Variants in ZNF723 observed in about 807,000 individuals in gnomAD.
ZNF723 encodes zinc finger protein 723, pseudogene.
A neutral mutation model predicts 9.4 loss-of-function variants in ZNF723; 5 were observed. The observed-to-expected ratio is 0.53, with a 90% CI of 0.28 to 1.12. The LOEUF (loss-of-function observed/expected upper bound fraction) is 1.12. Among genes scored for constraint, ZNF723 ranks in the 50% most tolerant of loss-of-function variants. The pLI, the probability that ZNF723 is intolerant of heterozygous loss-of-function variation, is 0.10. For synonymous variants in ZNF723, 158 were observed against 168.8 expected, an observed-to-expected ratio of 0.94 and a Z score of 0.49; for missense variants, 450 against 501.5, an observed-to-expected ratio of 0.90 and a Z score of 0.98.
At chr19:22,854,154 T>TAC (rs71163412) in intron 3 of ZNF723, among the ~76,000 whole-genome samples, 2,018 of 149,776 alleles carry the variant, frequency 0.013, 32 homozygotes, top group African/African-American at 0.042. Context: ...AAATGTGAGA[T>TAC]ACACACACAC....
chr19:22,832,122 G>T (rs1967105039), upstream of ZNF723, among the ~76,000 whole-genome samples: 1 of 152,206 alleles, frequency 6.6e-6, no homozygotes, highest in Non-Finnish European at 1.5e-5. Context: ...CCACAGCTTA[G>T]GCTGTCACTC....
At position 22,857,106 on chromosome 19, in the gene ZNF723, T is replaced by A; in HGVS notation, c.227-12T>A. 1.2e-6 allele frequency: 1 copy of A among 863,462 alleles called. No homozygotes were observed. The highest frequency in any genetic ancestry group is 1.8e-6 in the Non-Finnish European group (1 of 563,444). 53.5% of individuals were successfully genotyped at this position (863,462 alleles called of 1,614,324 possible). On this transcript the variant is annotated splice_polypyrimidine_tract_variant and intron_variant, in intron 3 of 3. Coordinates refer to ENST00000600766, the MANE Select transcript of ZNF723 (RefSeq NM_001349726.2). ...GTAAGATGAAGTAATTTGTTATTTCTATTTTTTTCAGTTGTGTGTTCTCAT... is the reference window on the plus strand; with the variant it reads ...GTAAGATGAAGTAATTTGTTATTTCAATTTTTTTCAGTTGTGTGTTCTCAT...
At position 22,857,530 on chromosome 19, in the gene ZNF723, C is replaced by A; in HGVS notation, c.639C>A (p.Pro213=). The A allele has an allele frequency of 1.6e-6, 2 of 1,277,296 alleles. No homozygotes were observed. Among genetic ancestry groups the A allele is most frequent in the Non-Finnish European group, 2.3e-6 (2 of 874,672 alleles). 79.1% of individuals were successfully genotyped at this position (1,277,296 alleles called of 1,614,324 possible). ...CEECGKAFSV[P]SKLNNHKRIH... is the part of the protein sequence containing the mutation. ...AATGTGGCAAAGCCTTTAGTGTGCC[C>A]TCAAAGCTTAATAATCATAAGAGAA... Residue 213 remains proline, a synonymous_variant, in exon 4 of 4, where the codon CCC becomes CCA. Transcript: ENST00000600766.
chr19:22,834,116 A>G (rs1967135426), intron 1 of ZNF723, among the ~76,000 whole-genome samples: 1 of 151,356 alleles, frequency 6.6e-6, no homozygotes, highest in African/African-American at 2.4e-5. Context: ...GGGTTTCACC[A>G]TGTTGGCCAG....
Position 22,858,513 on chromosome 19 carries a change from A to G in ZNF723, c.*80A>G, listed in dbSNP as rs1967518138. 1.7e-6 allele frequency: 1 copy of G among 585,428 alleles called. No homozygotes were observed. Among genetic ancestry groups the G allele is most frequent in the East Asian group, 2.8e-5 (1 of 35,808 alleles). 36.3% of individuals were successfully genotyped at this position (585,428 alleles called of 1,614,324 possible). A position where few individuals can be genotyped will look rare whatever the true frequency, so the allele number is the denominator to read the frequency against. The stretch of plus-strand genomic sequence containing the variant: ...CCAGGCACAGTAGCTTACGCCTGTA[A>G]TCCCAGCACTTTGGGAGGCCGAGGC... On this transcript the variant is annotated 3_prime_UTR_variant, in exon 4 of 4. Coordinates refer to ENST00000600766, the MANE Select transcript of ZNF723 (RefSeq NM_001349726.2).
At chr19:22,813,352 T>A in the ZNF723 span, among the ~76,000 whole-genome samples, 2 of 152,308 alleles carry the variant, frequency 1.3e-5, no homozygotes, top group African/African-American at 2.4e-5. Context: ...GTGTGACATA[T>A]GGCAGAACCC....
At chr19:22,834,218 G>A (rs1187561424) in intron 1 of ZNF723, among the ~76,000 whole-genome samples, 1 of 152,054 alleles carries the variant, frequency 6.6e-6, no homozygotes, top group Non-Finnish European at 1.5e-5. Flanking sequence ...GCCCAGCCTG[G>A]TGTACATTCT....
chr19:22,845,654 A>T (rs1235122785), intron 1 of ZNF723, among the ~76,000 whole-genome samples: 1 of 149,534 alleles, frequency 6.7e-6, no homozygotes, highest in Non-Finnish European at 1.5e-5. Context: ...AGAAACTTTT[A>T]TTTCTTCTTC....
In ZNF723 at chr19:22,858,196, C is replaced by G; in HGVS notation, c.1305C>G (p.Ser435Arg). 1 of 1,380,552 alleles carries G rather than the reference C, an allele frequency of 7.2e-7. No individual in the cohort carries two copies. 85.5% of individuals were successfully genotyped at this position (1,380,552 alleles called of 1,614,324 possible). A position where few individuals can be genotyped will look rare whatever the true frequency, so the allele number is the denominator to read the frequency against. ...GTAAACAATGTGGTAAAGGTTTTAG[C>G]CAATCCTCAACCCTTACTAAACATA... ...YKCKQCGKGF[S>R]QSSTLTKHKI... Residue 435 changes from serine to arginine, a missense_variant, in exon 4 of 4, where the codon AGC becomes AGG. By Grantham distance (110) the Ser-to-Arg change is moderately radical. This residue lies in a region of ZNF723 where 237 missense variants were observed against 332.2 expected (regional missense o/e 0.71). Coordinates refer to ENST00000600766, the MANE Select transcript of ZNF723 (RefSeq NM_001349726.2).
At chr19:22,844,404 CAG>C (rs1967283023) in intron 1 of ZNF723, among the ~76,000 whole-genome samples, 2 of 152,158 alleles carry the variant, frequency 1.3e-5, no homozygotes, top group Non-Finnish European at 2.9e-5. Flanking sequence ...AGAACAGAAA[CAG>C]AAGATGAAAT....
At chr19:22,825,977 C>T in the ZNF723 span, among the ~76,000 whole-genome samples, 1 of 152,140 alleles carries the variant, frequency 6.6e-6, no homozygotes, top group African/African-American at 2.4e-5. Context: ...TGTGACTCTC[C>T]TGCCTTAGCC....
the ZNF723 span, among the ~76,000 whole-genome samples, chr19:22,821,395 A>G: frequency 6.6e-6 from 1 of 152,084 alleles, no homozygotes; most frequent in Non-Finnish European, 1.5e-5. Context: ...TGCTGGACCC[A>G]TCGCCTAGGT....
chr19:22,833,928 T>C (rs1049654527), intron 1 of ZNF723, among the ~76,000 whole-genome samples: 2 of 132,400 alleles, frequency 1.5e-5, no homozygotes, highest in Non-Finnish European at 3.1e-5. Flanking sequence ...TTAGCGTACT[T>C]TTTTTTTTTT....
chr19:22,838,709 C>A (rs1018521565), intron 1 of ZNF723, among the ~76,000 whole-genome samples: 1 of 151,432 alleles, frequency 6.6e-6, no homozygotes, highest in Non-Finnish European at 1.5e-5. Context: ...CTATATTTTT[C>A]TTTTTATATA....
chr19:22,818,961 A>G, the ZNF723 span, among the ~76,000 whole-genome samples: 9 of 151,968 alleles, frequency 5.9e-5, no homozygotes, highest in Non-Finnish European at 1.3e-4. Context: ...CTCTGCACCT[A>G]TTACTCAGGT....
the ZNF723 span, among the ~76,000 whole-genome samples, chr19:22,822,207 A>C: frequency 1.3e-5 from 2 of 152,270 alleles, no homozygotes; most frequent in African/African-American, 4.8e-5. Context: ...TCTCACAGGC[A>C]TACCAAGCCA....
chr19:22,841,737 CAG>C (rs1273042417), intron 1 of ZNF723, among the ~76,000 whole-genome samples: 2 of 152,140 alleles, frequency 1.3e-5, no homozygotes, highest in Non-Finnish European at 2.9e-5. Context: ...GAAACCCAAT[CAG>C]AGTAACATGT....
chr19:22,836,100 A>C (rs1449151987), intron 1 of ZNF723, among the ~76,000 whole-genome samples: 1 of 152,154 alleles, frequency 6.6e-6, no homozygotes, highest in Non-Finnish European at 1.5e-5. Flanking sequence ...AGGGACTCCA[A>C]GCTAAGGCTA....
chr19:22,830,556 G>C (rs958336108), upstream of ZNF723, among the ~76,000 whole-genome samples: 1 of 151,904 alleles, frequency 6.6e-6, no homozygotes, highest in Non-Finnish European at 1.5e-5. Context: ...TAGTGTAAAA[G>C]TATAATTCTC....
Sources: gnomAD v4.1 joint callset for allele counts (sites outside exome capture counted in the v4.1 genomes callset) on GRCh38, gnomAD v4.1.1 for gene constraint, gnomAD v4.1.1 regional missense constraint, MANE v1.5 for transcripts, NCBI Gene and HGNC (gene_info 2026-07-23, HGNC 2026-07-21) for gene names.